The following RNF212 variants were observed in gnomAD, a reference collection of about 807,000 sequenced individuals.
RNF212 encodes the protein probable E3 SUMO-protein ligase RNF212.
Under a neutral mutation model 34.7 loss-of-function variants are expected in RNF212, and 33 were observed. The observed-to-expected ratio is 0.95, with a 90% CI of 0.72 to 1.27. The LOEUF is 1.27. Ranked by LOEUF, RNF212 falls within the 50% of genes most tolerant of loss-of-function variation. The probability of loss-of-function intolerance (pLI) is 0.00; values close to 1 mark genes in which losing one functional copy is unlikely to be tolerated. For synonymous variants in RNF212, 140 were observed against 136.1 expected (o/e 1.03, Z -0.20); for missense variants, 377 against 362.2 (o/e 1.04, Z -0.33).
chr4:1,066,157 G>A (rs116254720), intron 3 of RNF212, among the ~76,000 whole-genome samples: 2,240 of 148,472 alleles, frequency 0.015, 57 homozygotes, highest in African/African-American at 0.052. Context: ...TCCTTGGCTC[G>A]AGCAATCCTC....
At chr4:1,091,750 C>CA (rs1253170983) in intron 3 of RNF212, among the ~76,000 whole-genome samples, 1 of 152,248 alleles carries the variant, frequency 6.6e-6, no homozygotes, top group Non-Finnish European at 1.5e-5. Context: ...GATGGGGCTG[C>CA]ACAGGGGCCC....
intron 7 of RNF212, among the ~76,000 whole-genome samples, chr4:1,080,746 C>G (rs946796696): frequency 1.3e-5 from 2 of 152,336 alleles, no homozygotes; most frequent in Admixed American, 6.5e-5. Context: ...CTGTCCTCCC[C>G]ACAGGCGCCC....
intron 3 of RNF212, among the ~76,000 whole-genome samples, chr4:1,063,180 C>T (rs757283948): frequency 5.3e-5 from 8 of 152,140 alleles, no homozygotes; most frequent in Non-Finnish European, 1.0e-4. Context: ...TTTCAACCTG[C>T]TTTGTCAGCA....
rs373243869 is a variant in RNF212 at position 1,113,344 on chromosome 4, G to A, written c.109+12C>T. 3.7e-5 allele frequency: 58 copies of A among 1,547,834 alleles called. No individual in the cohort carries two copies. The African/African-American group carries it at 7.9e-4, about 21-fold the overall frequency. On this transcript the variant is annotated intron_variant, in intron 1 of 9. Coordinates refer to ENST00000433731, the MANE Select transcript of RNF212 (RefSeq NM_001131034.4). ...CCCTCCCCTCTCCAGCCTGCGTTCG[G>A]GAAGCCCTGACCTTTGCCGAGGCAG...
At chr4:1,083,677 C>T (rs1376874333) in intron 5 of RNF212, among the ~76,000 whole-genome samples, 1 of 150,354 alleles carries the variant, frequency 6.7e-6, no homozygotes, top group Admixed American at 6.6e-5. Flanking sequence ...CAAACAAACT[C>T]AGTGGGGTTC....
At chr4:1,103,232 T>A (rs1724305467) in intron 2 of RNF212, among the ~76,000 whole-genome samples, 2 of 152,220 alleles carry the variant, frequency 1.3e-5, no homozygotes, top group African/African-American at 4.8e-5. Flanking sequence ...CGATGTCTAA[T>A]AAAGATATCA....
intron 4 of RNF212, among the ~76,000 whole-genome samples, 196 bp from the exon 5 acceptor site, chr4:1,086,150 G>A (rs1305629472): frequency 1.3e-5 from 2 of 152,190 alleles, no homozygotes; most frequent in Non-Finnish European, 2.9e-5. Context: ...CATGCAGAGC[G>A]AAGTCAAACC....
At chr4:1,061,213 C>T (rs1213978252) in intron 3 of RNF212, among the ~76,000 whole-genome samples, 8 of 152,304 alleles carry the variant, frequency 5.3e-5, no homozygotes, top group African/African-American at 1.9e-4. Flanking sequence ...TAAGCAGCTG[C>T]TCCACCTCCC....
At chr4:1,104,043 G>A (rs1724433933) in intron 2 of RNF212, among the ~76,000 whole-genome samples, 1 of 152,250 alleles carries the variant, frequency 6.6e-6, no homozygotes, top group African/African-American at 2.4e-5. Context: ...AGACAGTTAA[G>A]AAAATCCATT....
At chr4:1,060,832 G>A (rs1449753361) in intron 3 of RNF212, among the ~76,000 whole-genome samples, 3 of 152,202 alleles carry the variant, frequency 2.0e-5, no homozygotes, top group African/African-American at 4.8e-5. Context: ...AGTCTGCAGG[G>A]CAGACAACGC....
At chr4:1,105,638 T>C (rs936519423) in intron 2 of RNF212, among the ~76,000 whole-genome samples, 2 of 152,262 alleles carry the variant, frequency 1.3e-5, no homozygotes, top group African/African-American at 4.8e-5. Flanking sequence ...CAGAGGGTAC[T>C]GCACTAAGCG....
At chr4:1,084,554 A>AC (rs1275414999) in intron 5 of RNF212, among the ~76,000 whole-genome samples, 2 of 151,638 alleles carry the variant, frequency 1.3e-5, no homozygotes, top group Admixed American at 6.6e-5. Flanking sequence ...ACATAGTGAG[A>AC]CCCCATCTCC....
intron 3 of RNF212, among the ~76,000 whole-genome samples, chr4:1,094,764 G>A (rs1203612881): frequency 2.0e-5 from 3 of 152,156 alleles, no homozygotes; most frequent in African/African-American, 7.2e-5. Flanking sequence ...AGAGAACCCT[G>A]ATCTGGTGGG....
downstream of RNF212, among the ~76,000 whole-genome samples, chr4:1,069,453 C>T (rs1718301354): frequency 6.6e-6 from 1 of 152,178 alleles, no homozygotes; most frequent in Admixed American, 6.5e-5. Flanking sequence ...AGACACTCAT[C>T]CATTATGGGG....
intron 3 of RNF212, chr4:1,093,260 T>C: frequency 1.2e-5 from 7 of 564,348 alleles, no homozygotes; most frequent in Non-Finnish European, 1.6e-5. Flanking sequence ...GCTTTGCTTA[T>C]GTGGGTTTTA....
chr4:1,081,295 C>T (rs1577683511), intron 7 of RNF212, 124 bp downstream of exon 7: 1 of 791,718 alleles, frequency 1.3e-6, no homozygotes. Flanking sequence ...GAGTTCATGT[C>T]CAGTCAACTG....
chr4:1,090,957 G>A lies in RNF212; in HGVS notation c.247-119C>T, dbSNP rs557634920. On this transcript the variant is annotated intron_variant, in intron 3 of 9. Coordinates refer to ENST00000433731, the MANE Select transcript of RNF212 (RefSeq NM_001131034.4). ...GGAGAGCTCACAGTGCTTGTCTTAC[G>A]TGTGTCCTGCCCCCACAGACGCCCA... 18 of 659,398 alleles carry A rather than the reference G, an allele frequency of 2.7e-5. No individual in the cohort carries two copies. In the Admixed American group the frequency reaches 3.4e-4, roughly 13 times the overall value. 40.8% of individuals were successfully genotyped at this position (659,398 alleles called of 1,614,324 possible).
At chr4:1,077,387 C>T (rs1414542800) in intron 8 of RNF212, among the ~76,000 whole-genome samples, 2 of 151,900 alleles carry the variant, frequency 1.3e-5, no homozygotes, top group East Asian at 3.9e-4. Context: ...TTTAGCCTGC[C>T]AGTCTTTTCT....
intron 2 of RNF212, among the ~76,000 whole-genome samples, chr4:1,107,965 G>C (rs960722176): frequency 7.9e-5 from 12 of 152,152 alleles, no homozygotes; most frequent in Non-Finnish European, 1.5e-4. Flanking sequence ...ATTGTTTTAA[G>C]CCTGCAGCAG....
Sources: allele counts gnomAD v4.1 joint callset (sites outside exome capture counted in the v4.1 genomes callset), GRCh38; gene constraint gnomAD v4.1.1; transcripts MANE v1.5; gene names NCBI Gene and HGNC (gene_info 2026-07-23, HGNC 2026-07-21).